The following LINGO2 variants were observed in gnomAD, a reference collection of about 807,000 sequenced individuals.
The protein encoded by LINGO2 is leucine rich repeat and Ig domain containing 2, also known as leucine-rich repeat and immunoglobulin-like domain-containing nogo receptor-interacting protein 2.
LINGO2 carries 14 observed loss-of-function variants against 30.6 expected under a neutral mutation model. The ratio of observed to expected loss-of-function variants is 0.46; its 90% CI spans 0.30 to 0.72. The LOEUF is 0.72. Among genes scored for constraint, LINGO2 ranks in the 30% least tolerant of loss-of-function variants. The probability of loss-of-function intolerance (pLI) is 0.07; values close to 1 mark genes in which losing one functional copy is unlikely to be tolerated. For missense variants in LINGO2, 729 were observed against 751.7 expected, an observed-to-expected ratio of 0.97 and a Z score of 0.35; for synonymous variants, 317 against 288.5, an observed-to-expected ratio of 1.10 and a Z score of -1.00.
the LINGO2 span, among the ~76,000 whole-genome samples, chr9:29,127,404 T>A: frequency 1.3e-5 from 2 of 152,124 alleles, no homozygotes; most frequent in Non-Finnish European, 2.9e-5. Flanking sequence ...TCTTTTCTTT[T>A]TGTTTTCCCT....
intron 2 of LINGO2, among the ~76,000 whole-genome samples, chr9:28,387,770 G>T (rs1022980966): frequency 6.6e-6 from 1 of 152,016 alleles, no homozygotes; most frequent in Non-Finnish European, 1.5e-5. Flanking sequence ...AACTCTGGAC[G>T]TACCACCTTT....
At chr9:28,481,702 A>C (rs1387713918) in intron 1 of LINGO2, among the ~76,000 whole-genome samples, 2 of 152,016 alleles carry the variant, frequency 1.3e-5, no homozygotes, top group African/African-American at 4.8e-5. Flanking sequence ...ATACATGTGC[A>C]TTGCTGGTGC....
chr9:28,752,675 C>G, the LINGO2 span, among the ~76,000 whole-genome samples: 1 of 152,020 alleles, frequency 6.6e-6, no homozygotes, highest in African/African-American at 2.4e-5. Flanking sequence ...ATAGTAGATT[C>G]ATGAGGCTCA....
chr9:28,380,733 G>A (rs1320316076), intron 2 of LINGO2, among the ~76,000 whole-genome samples: 2 of 152,038 alleles, frequency 1.3e-5, no homozygotes, highest in Non-Finnish European at 2.9e-5. Context: ...TGAAGTTCAG[G>A]AAAGATCATT....
chr9:27,941,845 CT>C, the LINGO2 span: 1 of 151,856 alleles, frequency 6.6e-6, no homozygotes, highest in Non-Finnish European at 1.5e-5. Flanking sequence ...AAAGTTGTTT[CT>C]CTTTTTATTT....
At chr9:28,013,473 G>GAATC (rs976989063) in intron 4 of LINGO2, among the ~76,000 whole-genome samples, 1 of 152,106 alleles carries the variant, frequency 6.6e-6, no homozygotes, top group Non-Finnish European at 1.5e-5. Flanking sequence ...AGTTATTCAG[G>GAATC]AATCAATCAA....
the LINGO2 span, among the ~76,000 whole-genome samples, chr9:29,196,516 T>C: frequency 6.6e-6 from 1 of 152,046 alleles, no homozygotes; most frequent in Admixed American, 6.6e-5. Context: ...TTTCTCACCT[T>C]GCAAAATGGT....
chr9:29,014,750 T>A, the LINGO2 span, among the ~76,000 whole-genome samples: 1 of 152,112 alleles, frequency 6.6e-6, no homozygotes, highest in South Asian at 2.1e-4. Flanking sequence ...GCTGGGGACT[T>A]GGTACTGCGG....
At chr9:28,479,511 T>C (rs1489895842) in intron 1 of LINGO2, among the ~76,000 whole-genome samples, 1 of 151,942 alleles carries the variant, frequency 6.6e-6, no homozygotes. Flanking sequence ...ATCATTTTGT[T>C]GCTAAATATT....
At chr9:28,396,759 G>C (rs946890969) in intron 2 of LINGO2, among the ~76,000 whole-genome samples, 2 of 127,470 alleles carry the variant, frequency 1.6e-5, no homozygotes, top group Admixed American at 1.5e-4. Context: ...GCAGTTATCT[G>C]GGAGAACAAT....
At chr9:28,858,971 GT>G in the LINGO2 span, among the ~76,000 whole-genome samples, 119,983 of 151,832 alleles carry the variant, frequency 0.79, 47,473 homozygotes, top group East Asian at 0.89. Flanking sequence ...CAGGCAGATC[GT>G]TATGTCATAA....
At chr9:28,294,596 T>C (rs1823857371) in intron 4 of LINGO2, among the ~76,000 whole-genome samples, 1 of 152,120 alleles carries the variant, frequency 6.6e-6, no homozygotes. Flanking sequence ...TGGGAAGAGT[T>C]TCCAGCATGT....
chr9:28,349,215 C>T (rs944501721), intron 3 of LINGO2, among the ~76,000 whole-genome samples: 24 of 151,876 alleles, frequency 1.6e-4, no homozygotes, highest in Admixed American at 3.3e-4. Flanking sequence ...TACGGGAGGA[C>T]ATTCAAACCA....
chr9:28,458,935 T>C (rs944063422), intron 2 of LINGO2, among the ~76,000 whole-genome samples: 1 of 152,050 alleles, frequency 6.6e-6, no homozygotes, highest in African/African-American at 2.4e-5. Context: ...GGATTTGAGA[T>C]ACAAGAACAA....
At chr9:28,720,178 T>C in the LINGO2 span, among the ~76,000 whole-genome samples, 1 of 152,074 alleles carries the variant, frequency 6.6e-6, no homozygotes, top group East Asian at 1.9e-4. Context: ...TTGACATATA[T>C]AAAGTCTTGT....
chr9:29,048,611 A>G, the LINGO2 span, among the ~76,000 whole-genome samples: 1 of 152,218 alleles, frequency 6.6e-6, no homozygotes, highest in Non-Finnish European at 1.5e-5. Flanking sequence ...TGTTACTGAC[A>G]TAAAAACAGA....
the LINGO2 span, among the ~76,000 whole-genome samples, chr9:29,188,504 T>C: frequency 6.6e-6 from 1 of 152,052 alleles, no homozygotes; most frequent in Non-Finnish European, 1.5e-5. Flanking sequence ...CGCCCCGATT[T>C]CTCAATCTTT....
chr9:28,953,936 T>C, the LINGO2 span, among the ~76,000 whole-genome samples: 1 of 152,248 alleles, frequency 6.6e-6, no homozygotes, highest in African/African-American at 2.4e-5. Context: ...CAGAAAATAT[T>C]GGTTCACTAA....
chr9:28,507,250 CAT>C (rs112654260), intron 1 of LINGO2, among the ~76,000 whole-genome samples: 2,763 of 135,482 alleles, frequency 0.02, 93 homozygotes, highest in East Asian at 0.13. Context: ...TGCGTGCGCA[CAT>C]GTGTGTGTAG....
Sources: gnomAD v4.1 joint callset for allele counts (sites outside exome capture counted in the v4.1 genomes callset) on GRCh38, gnomAD v4.1.1 for gene constraint, MANE v1.5 for transcripts, NCBI Gene and HGNC (gene_info 2026-07-23, HGNC 2026-07-21) for gene names.